Variants in AUTS2 observed in about 807,000 individuals in gnomAD.
AUTS2 encodes the protein activator of transcription and developmental regulator AUTS2.
A neutral mutation model predicts 112.4 loss-of-function variants in AUTS2; 17 were observed. The ratio of observed to expected loss-of-function variants is 0.15; its 90% CI spans 0.10 to 0.23. The LOEUF is 0.23. Among genes scored for constraint, AUTS2 ranks in the 10% least tolerant of loss-of-function variants. The probability of loss-of-function intolerance (pLI) is 1.00; values close to 1 mark genes in which losing one functional copy is unlikely to be tolerated. For synonymous variants in AUTS2, 751 were observed against 702.7 expected, an observed-to-expected ratio of 1.07 and a Z score of -1.09; for missense variants, 1,510 against 1,701.6, an observed-to-expected ratio of 0.89 and a Z score of 1.98.
intron 4 of AUTS2, among the ~76,000 whole-genome samples, chr7:70,322,830 G>A (rs574617656): frequency 6.6e-6 from 1 of 152,170 alleles, no homozygotes; most frequent in Non-Finnish European, 1.5e-5. Flanking sequence ...GTGGGAGATA[G>A]TACAGGGGCA....
intron 5 of AUTS2, among the ~76,000 whole-genome samples, chr7:70,579,999 A>G (rs1009634848): frequency 6.6e-6 from 1 of 152,184 alleles, no homozygotes; most frequent in Non-Finnish European, 1.5e-5. Flanking sequence ...GACAGCCTCT[A>G]AGATGTCTTC....
At chr7:69,811,491 C>A (rs1319462911) in intron 1 of AUTS2, among the ~76,000 whole-genome samples, 1 of 151,994 alleles carries the variant, frequency 6.6e-6, no homozygotes, top group African/African-American at 2.4e-5. Context: ...TAGATCCAAG[C>A]CTCCCTTTCT....
At chr7:70,089,962 G>A (rs1006312060) in intron 2 of AUTS2, among the ~76,000 whole-genome samples, 4 of 151,500 alleles carry the variant, frequency 2.6e-5, no homozygotes, top group Admixed American at 6.6e-5. Context: ...AGCCAGGATC[G>A]TGCCATTGCA....
intron 2 of AUTS2, among the ~76,000 whole-genome samples, chr7:69,922,674 T>G (rs1211465141): frequency 6.6e-6 from 1 of 152,230 alleles, no homozygotes; most frequent in Non-Finnish European, 1.5e-5. Context: ...AAAGAATGCT[T>G]CTCTCCTTAC....
chr7:70,371,644 A>G (rs1057170216), intron 4 of AUTS2, among the ~76,000 whole-genome samples: 4 of 152,174 alleles, frequency 2.6e-5, no homozygotes, highest in Admixed American at 2.0e-4. Context: ...GTTTATTTCA[A>G]TGATTTCAAT....
At chr7:70,575,974 G>A (rs1411725664) in intron 5 of AUTS2, among the ~76,000 whole-genome samples, 5 of 152,166 alleles carry the variant, frequency 3.3e-5, no homozygotes, top group Admixed American at 1.3e-4. Context: ...GCTGTCCCCA[G>A]GTAGTTGGCA....
At chr7:69,905,332 A>G (rs1795110169) in intron 2 of AUTS2, among the ~76,000 whole-genome samples, 1 of 152,222 alleles carries the variant, frequency 6.6e-6, no homozygotes, top group Non-Finnish European at 1.5e-5. Flanking sequence ...AGCAAGTACC[A>G]GTAGAATATA....
At chr7:69,750,491 T>TAGTAGTAGTAGC (rs1787691805) in intron 1 of AUTS2, among the ~76,000 whole-genome samples, 1 of 150,336 alleles carries the variant, frequency 6.7e-6, no homozygotes, top group African/African-American at 2.4e-5. Flanking sequence ...GTAGTAGTAG[T>TAGTAGTAGTAGC]AGTAGTAGTA....
At chr7:70,298,115 T>G (rs763915476) in intron 4 of AUTS2, among the ~76,000 whole-genome samples, 1 of 152,018 alleles carries the variant, frequency 6.6e-6, no homozygotes, top group African/African-American at 2.4e-5. Flanking sequence ...CACTGCAACC[T>G]CTGTCTCCTG....
intron 4 of AUTS2, among the ~76,000 whole-genome samples, chr7:70,221,159 C>T (rs945429385): frequency 3.9e-5 from 6 of 152,234 alleles, no homozygotes; most frequent in African/African-American, 1.4e-4. Context: ...CCCCCTGTCT[C>T]AGCCTCCTGC....
intron 2 of AUTS2, among the ~76,000 whole-genome samples, chr7:70,101,859 G>C (rs1804513947): frequency 6.6e-6 from 1 of 152,064 alleles, no homozygotes; most frequent in Non-Finnish European, 1.5e-5. Context: ...GTCACTGCCA[G>C]CCATTGCTGT....
At chr7:69,683,447 A>G (rs145224501) in intron 1 of AUTS2, among the ~76,000 whole-genome samples, 1 of 152,266 alleles carries the variant, frequency 6.6e-6, no homozygotes, top group East Asian at 1.9e-4. Flanking sequence ...TTTTCAGTAA[A>G]AGAAAAAGCC....
At chr7:70,568,644 G>A (rs2129524945) in intron 5 of AUTS2, among the ~76,000 whole-genome samples, 1 of 152,316 alleles carries the variant, frequency 6.6e-6, no homozygotes, top group South Asian at 2.1e-4. Context: ...CCCAGTGGCT[G>A]TGCTGGGGTT....
intron 4 of AUTS2, among the ~76,000 whole-genome samples, chr7:70,400,657 C>T (rs1337226369): frequency 6.6e-6 from 1 of 152,218 alleles, no homozygotes; most frequent in Non-Finnish European, 1.5e-5. Context: ...TCTCCCCTCA[C>T]ACCTTATATA....
chr7:70,417,999 A>G (rs1795055405), intron 4 of AUTS2, among the ~76,000 whole-genome samples: 1 of 151,880 alleles, frequency 6.6e-6, no homozygotes, highest in Non-Finnish European at 1.5e-5. Context: ...CCTCCCTGGG[A>G]TTGGGGTGCA....
chr7:70,689,202 T>G (rs1808620420), intron 5 of AUTS2, among the ~76,000 whole-genome samples: 1 of 151,530 alleles, frequency 6.6e-6, no homozygotes, highest in South Asian at 2.1e-4. Flanking sequence ...AGAAAAAAAT[T>G]TTTAAAAAAT....
intron 4 of AUTS2, among the ~76,000 whole-genome samples, chr7:70,380,881 C>T (rs1486281081): frequency 6.6e-6 from 1 of 152,164 alleles, no homozygotes; most frequent in Non-Finnish European, 1.5e-5. Context: ...AATAGAACAG[C>T]CTGTTTTCAG....
rs537392923 is a variant in AUTS2, at chr7:69,665,074, TAA to T, written c.309+65115_309+65116del. Among the ~76,000 whole-genome samples the T allele has an allele frequency of 1.4e-4, 22 of 152,282 alleles. No individual in the cohort carries two copies. In the East Asian group the frequency reaches 3.7e-3, roughly 25 times the overall value. On this transcript the variant is annotated intron_variant, in intron 1 of 18. Transcript: ENST00000342771. ...TTTGCAAATGGTAAAACAGGGTTGG[TAA>T]AATTTCACTGTGTATAGCTGTGGCT...
intron 6 of AUTS2, among the ~76,000 whole-genome samples, chr7:70,746,138 G>GT (rs1788437004): frequency 6.6e-6 from 1 of 150,932 alleles, no homozygotes; most frequent in African/African-American, 2.4e-5. Flanking sequence ...GAGCAGTAAG[G>GT]TTTTTTGTTG....
Sources: allele counts gnomAD v4.1 joint callset (sites outside exome capture counted in the v4.1 genomes callset), GRCh38; gene constraint gnomAD v4.1.1; transcripts MANE v1.5; gene names NCBI Gene and HGNC (gene_info 2026-07-23, HGNC 2026-07-21).